ZNF487: variants seen among roughly 807,000 people sequenced by gnomAD.
The protein encoded by ZNF487 is KRAB domain only 1.
In ZNF487, 4 loss-of-function variants were observed where a neutral mutation model predicts 3.0. The ratio of observed to expected loss-of-function variants is 1.35; its 90% confidence interval spans 0.66 to 3.08. The LOEUF (loss-of-function observed/expected upper bound fraction) is 3.08. Among genes scored for constraint, ZNF487 ranks in the 30% most tolerant of loss-of-function variants. The pLI is 0.01. For synonymous variants in ZNF487, 55 were observed against 34.6 expected, an observed-to-expected ratio of 1.59 and a Z score of -2.06; for missense variants, 146 against 98.7, an observed-to-expected ratio of 1.48 and a Z score of -2.03.
chr10:43,482,972 G>A lies in ZNF487; in HGVS notation c.*1050G>A, dbSNP rs1442089709. 1 of 520,014 alleles carries A rather than the reference G, an allele frequency of 1.9e-6. No individual in the cohort carries two copies. The allele number at this position is 520,014 out of a possible 1,614,324, so 32.2% of individuals were successfully genotyped here. A position where few individuals can be genotyped will look rare whatever the true frequency, so the allele number is the denominator to read the frequency against. ...AGAAGTCATCCCTCACAACACATCAGAGAACACACACAAGGGAGCAACCCT... is the reference window on the plus strand; with the variant it reads ...AGAAGTCATCCCTCACAACACATCAAAGAACACACACAAGGGAGCAACCCT... On this transcript the variant is annotated 3_prime_UTR_variant, in exon 4 of 4. Transcript: ENST00000437590.
chr10:43,502,834 C>A, the ZNF487 span, among the ~76,000 whole-genome samples: 1 of 151,990 alleles, frequency 6.6e-6, no homozygotes, highest in Non-Finnish European at 1.5e-5. Context: ...TATTCAAGAC[C>A]AACTTGGGCA....
chr10:43,492,608 C>T, the ZNF487 span, among the ~76,000 whole-genome samples: 7 of 152,154 alleles, frequency 4.6e-5, no homozygotes, highest in South Asian at 4.1e-4. Context: ...CCCGCCACCA[C>T]GCCCGGCTAA....
At chr10:43,477,213 T>C (rs1377755914) in intron 3 of ZNF487, among the ~76,000 whole-genome samples, 1 of 151,926 alleles carries the variant, frequency 6.6e-6, no homozygotes, top group Non-Finnish European at 1.5e-5. Flanking sequence ...TTCTTTTTTT[T>C]TTTGAGACAG....
intron 1 of ZNF487, among the ~76,000 whole-genome samples, chr10:43,457,558 GAAAAAA>G (rs1023956426): frequency 7.3e-6 from 1 of 136,964 alleles, no homozygotes; most frequent in South Asian, 2.3e-4. Context: ...CTGTCTTGGG[GAAAAAA>G]AAAAAAAAAA....
At chr10:43,453,311 A>T (rs889470751) in intron 1 of ZNF487, 1 of 152,218 alleles carries the variant, frequency 6.6e-6, no homozygotes, top group African/African-American at 2.4e-5. Flanking sequence ...TAAACATCTC[A>T]AAGGGACAGA....
chr10:43,472,571 G>A (rs1384799066), intron 1 of ZNF487, among the ~76,000 whole-genome samples: 2 of 152,136 alleles, frequency 1.3e-5, no homozygotes, highest in Non-Finnish European at 2.9e-5. Context: ...TGTAGGAAGA[G>A]TCAGGTTGCT....
the ZNF487 span, among the ~76,000 whole-genome samples, chr10:43,493,724 AT>A: frequency 2.1e-5 from 2 of 94,316 alleles, no homozygotes; most frequent in Non-Finnish European, 4.6e-5. Context: ...ATATATATAT[AT>A]ATATATATAT....
the ZNF487 span, among the ~76,000 whole-genome samples, chr10:43,489,419 TCTCGG>T: frequency 1.3e-5 from 2 of 152,230 alleles, no homozygotes. Context: ...AATAATGTGA[TCTCGG>T]CTCACTGCAA....
chr10:43,444,791 C>T (rs1231223668), intron 1 of ZNF487, among the ~76,000 whole-genome samples: 3 of 152,088 alleles, frequency 2.0e-5, no homozygotes, highest in African/African-American at 4.8e-5. Flanking sequence ...TGGTCTTGAA[C>T]TCCAGAGCTG....
the ZNF487 span, among the ~76,000 whole-genome samples, chr10:43,500,073 G>GGGATTTCACCA: frequency 6.6e-6 from 1 of 152,032 alleles, no homozygotes; most frequent in South Asian, 2.1e-4. Context: ...TAGTAAAGAT[G>GGGATTTCACCA]GGATTTCACC....
chr10:43,471,326 G>A (rs1430608350), intron 1 of ZNF487, among the ~76,000 whole-genome samples: 4 of 152,246 alleles, frequency 2.6e-5, no homozygotes, highest in South Asian at 2.1e-4. Context: ...CTTGGATGGC[G>A]GTGCCAAGGC....
At chr10:43,446,553 C>G (rs1413653158) in intron 1 of ZNF487, among the ~76,000 whole-genome samples, 1 of 149,104 alleles carries the variant, frequency 6.7e-6, no homozygotes, top group African/African-American at 2.5e-5. Flanking sequence ...CCTCACCTCC[C>G]AGACGGGGCG....
chr10:43,475,637 A>C, intron 1 of ZNF487, 84 bp from the exon 2 acceptor site: 1 of 727,658 alleles, frequency 1.4e-6, no homozygotes. Flanking sequence ...TCAACAGTGA[A>C]CATGACAAGG....
chr10:43,513,793 G>A, the ZNF487 span, among the ~76,000 whole-genome samples: 2 of 152,166 alleles, frequency 1.3e-5, no homozygotes, highest in Admixed American at 6.5e-5. Flanking sequence ...TTGGGCCTGA[G>A]CTAAAATTTC....
chr10:43,487,807 G>A (rs1370163724), downstream of ZNF487, among the ~76,000 whole-genome samples: 3 of 151,668 alleles, frequency 2.0e-5, no homozygotes, highest in East Asian at 1.9e-4. Context: ...TTTTGAGGCC[G>A]GGCGCAGTGG....
At chr10:43,509,548 G>A in the ZNF487 span, among the ~76,000 whole-genome samples, 2 of 151,202 alleles carry the variant, frequency 1.3e-5, no homozygotes, top group African/African-American at 4.9e-5. Flanking sequence ...TCTGCAAGCT[G>A]AGGAGCAAGG....
At chr10:43,457,765 G>C (rs1390092526) in intron 1 of ZNF487, among the ~76,000 whole-genome samples, 2 of 151,632 alleles carry the variant, frequency 1.3e-5, no homozygotes, top group Non-Finnish European at 2.9e-5. Flanking sequence ...GCTCATGCCT[G>C]TAATCCCAGC....
At chr10:43,486,570 G>C (rs1289900328), downstream of ZNF487, among the ~76,000 whole-genome samples, 1 of 151,344 alleles carries the variant, frequency 6.6e-6, no homozygotes, top group Non-Finnish European at 1.5e-5. Context: ...GGAAAGCAAA[G>C]AAATGGGCAA....
the ZNF487 span, among the ~76,000 whole-genome samples, chr10:43,508,537 G>A: frequency 1.3e-5 from 2 of 152,314 alleles, no homozygotes; most frequent in Non-Finnish European, 2.9e-5. Context: ...GGCTGGGCAC[G>A]GTGGCTCATG....
Sources: gnomAD v4.1 joint callset for allele counts (sites outside exome capture counted in the v4.1 genomes callset) on GRCh38, gnomAD v4.1.1 for gene constraint, MANE v1.5 for transcripts, NCBI Gene and HGNC (gene_info 2026-07-23, HGNC 2026-07-21) for gene names.